ATP11A: variants seen among roughly 807,000 people sequenced by gnomAD.
ATP11A encodes ATPase phospholipid transporting 11A.
Under a neutral mutation model 154.4 loss-of-function variants are expected in ATP11A, and 81 were observed. That is an observed-to-expected ratio of 0.52 (90% confidence interval 0.44 to 0.63). ATP11A has a LOEUF of 0.63. Among genes scored for constraint, ATP11A ranks in the 30% least tolerant of loss-of-function variants. The pLI, the probability that ATP11A is intolerant of heterozygous loss-of-function variation, is 0.00. For synonymous variants in ATP11A, 623 were observed against 585.9 expected, an observed-to-expected ratio of 1.06 and a Z score of -0.91; for missense variants, 1,316 against 1,474.3, an observed-to-expected ratio of 0.89 and a Z score of 1.76.
chr13:112,796,440 G>A (rs1224490788), intron 2 of ATP11A, among the ~76,000 whole-genome samples: 1 of 152,186 alleles, frequency 6.6e-6, no homozygotes, highest in Non-Finnish European at 1.5e-5. Context: ...AGTGGAAGAG[G>A]GAGGCAGAAC....
intron 1 of ATP11A, among the ~76,000 whole-genome samples, chr13:112,712,170 C>T (rs1887834139): frequency 2.0e-5 from 3 of 152,324 alleles, no homozygotes; most frequent in South Asian, 4.1e-4. Flanking sequence ...CGCTATGCTG[C>T]TTGAAAATAG....
At chr13:112,766,467 C>T (rs1047476332) in intron 1 of ATP11A, among the ~76,000 whole-genome samples, 1 of 152,186 alleles carries the variant, frequency 6.6e-6, no homozygotes, top group African/African-American at 2.4e-5. Flanking sequence ...CTCTCTTTCC[C>T]AGACTGTCCT....
At chr13:112,808,735 G>A (rs551946687) in intron 4 of ATP11A, among the ~76,000 whole-genome samples, 91 of 152,256 alleles carry the variant, frequency 6.0e-4, no homozygotes, top group African/African-American at 2.0e-3. Flanking sequence ...GCTGGGCACT[G>A]ACGGGCATCT....
intron 17 of ATP11A, among the ~76,000 whole-genome samples, chr13:112,847,371 T>C (rs1421816929): frequency 6.6e-6 from 1 of 152,242 alleles, no homozygotes; most frequent in Non-Finnish European, 1.5e-5. Context: ...TGTGTTTTTT[T>C]CTATAAGTTT....
chr13:112,777,189 C>A (rs999704542), intron 1 of ATP11A, among the ~76,000 whole-genome samples: 8 of 151,958 alleles, frequency 5.3e-5, no homozygotes, highest in African/African-American at 1.9e-4. Context: ...TGTCAGAAAG[C>A]CACACTGCCA....
Position 112,697,681 on chromosome 13 carries a change from C to T in ATP11A, c.39+7226C>T, listed in dbSNP as rs560449361. Among the ~76,000 whole-genome samples the T allele has an allele frequency of 1.8e-4, 28 of 151,586 alleles. No homozygotes were observed. Among genetic ancestry groups the T allele is most frequent in the Admixed American group, 4.6e-4 (7 of 15,248 alleles). ...CTCCTAGGTGCAAGCAGTTCTCTTG[C>T]CTCAGACTCCTGAGTAGCTGGGATT... On this transcript the variant is annotated intron_variant, in intron 1 of 29. Coordinates refer to ENST00000375645, the MANE Select transcript of ATP11A (RefSeq NM_015205.3). The surrounding 1 kb of genome is among the most constrained non-coding windows in gnomAD (Gnocchi z 4.0).
intron 1 of ATP11A, among the ~76,000 whole-genome samples, chr13:112,737,293 G>C (rs1891090797): frequency 6.6e-6 from 1 of 152,214 alleles, no homozygotes; most frequent in Non-Finnish European, 1.5e-5. Flanking sequence ...TGCTGGTGAT[G>C]CTGTGTTTCT....
At chr13:112,734,280 G>A (rs180905718) in intron 1 of ATP11A, among the ~76,000 whole-genome samples, 1 of 152,158 alleles carries the variant, frequency 6.6e-6, no homozygotes, top group East Asian at 1.9e-4. Context: ...TGCAGGGGGC[G>A]GGGGTGAGGG....
intron 1 of ATP11A, among the ~76,000 whole-genome samples, chr13:112,749,697 G>A (rs948436482): frequency 2.0e-5 from 3 of 150,940 alleles, no homozygotes; most frequent in Non-Finnish European, 4.4e-5. Context: ...GTCTGCTGAA[G>A]GATGCGGGGT....
At position 112,847,705 on chromosome 13, in the gene ATP11A, GTTC is replaced by G. The variant is rs564165134; in HGVS notation, c.1810-3327_1810-3325del. 1.2e-4 allele frequency among the ~76,000 whole-genome samples: 18 copies of G among 152,294 alleles called. No individual in the cohort carries two copies. The East Asian group carries it at 2.5e-3, about 21-fold the overall frequency. On this transcript the variant is annotated intron_variant, in intron 17 of 29. Coordinates refer to ENST00000375645, the MANE Select transcript of ATP11A (RefSeq NM_015205.3). ...CAGGATATGTGAGTCTTTCAACTTT[GTTC>G]TTCTGTTATAAAATGGTTTGGCTAT...
rs1442599608 is a variant in ATP11A, at chr13:112,690,988, T to C, written c.39+533T>C. Among the ~76,000 whole-genome samples the C allele has an allele frequency of 2.0e-5, 3 of 152,256 alleles. No homozygotes were observed. Among genetic ancestry groups the C allele is most frequent in the Middle Eastern group, 3.2e-3 (1 of 316 alleles). The stretch of plus-strand genomic sequence containing the variant: ...ATTCAGAAGCGGAGTTTGGAATCTT[T>C]TTATTTTTTACCTTAAAGTAACCAA... On this transcript the variant is annotated intron_variant, in intron 1 of 29. Coordinates refer to ENST00000375645, the MANE Select transcript of ATP11A (RefSeq NM_015205.3). The surrounding 1 kb of genome is among the most constrained non-coding windows in gnomAD (Gnocchi z 5.6).
At chr13:112,780,953 C>G (rs1250888639) in intron 1 of ATP11A, among the ~76,000 whole-genome samples, 2 of 152,106 alleles carry the variant, frequency 1.3e-5, no homozygotes, top group African/African-American at 4.8e-5. Context: ...TCTCCATCCT[C>G]CTGCCCTGGA....
At chr13:112,831,757 C>G (rs770686436) in intron 13 of ATP11A, among the ~76,000 whole-genome samples, 7 of 152,222 alleles carry the variant, frequency 4.6e-5, no homozygotes, top group Non-Finnish European at 7.3e-5. Context: ...GTTATGAAAA[C>G]CATAGAAGCA....
chr13:112,710,436 G>A lies in ATP11A; in HGVS notation c.39+19981G>A, dbSNP rs542387670. ...CAGGGCCGCTCCCCAGAAAACAAGC[G>A]CCCCAGGTTTTCCCTTCTCCTGTAC... On this transcript the variant is annotated intron_variant, in intron 1 of 29. Transcript: ENST00000375645. 2.7e-4 allele frequency among the ~76,000 whole-genome samples: 41 copies of A among 152,196 alleles called. No homozygotes were observed. The South Asian group carries it at 7.7e-3, about 28-fold the overall frequency.
chr13:112,777,880 G>A (rs4630438), intron 1 of ATP11A, among the ~76,000 whole-genome samples: 14,335 of 152,188 alleles, frequency 0.094, 1,008 homozygotes, highest in African/African-American at 0.19. Flanking sequence ...GCCGCTCACC[G>A]TGCCTTTCTC....
At chr13:112,829,058 T>C (rs1337518322) in intron 12 of ATP11A, among the ~76,000 whole-genome samples, 1 of 152,246 alleles carries the variant, frequency 6.6e-6, no homozygotes, top group African/African-American at 2.4e-5. Context: ...TCAGTGCTAT[T>C]GCGCCGTTTC....
chr13:112,760,167 G>A (rs1044133495), intron 1 of ATP11A, among the ~76,000 whole-genome samples: 3 of 152,216 alleles, frequency 2.0e-5, no homozygotes, highest in Non-Finnish European at 2.9e-5. Flanking sequence ...TCAGTCTTCC[G>A]TGTAAGCAAT....
intron 29 of ATP11A, among the ~76,000 whole-genome samples, chr13:112,879,734 C>A (rs1397934324): frequency 6.6e-6 from 1 of 152,250 alleles, no homozygotes; most frequent in Non-Finnish European, 1.5e-5. Flanking sequence ...GGCGCCGAGA[C>A]CACCTGCGTT....
At chr13:112,733,622 A>G (rs1890708266) in intron 1 of ATP11A, among the ~76,000 whole-genome samples, 1 of 152,248 alleles carries the variant, frequency 6.6e-6, no homozygotes, top group South Asian at 2.1e-4. Context: ...GTAGGCCCAC[A>G]TTATCACATT....
Sources: gnomAD v4.1 joint callset for allele counts (sites outside exome capture counted in the v4.1 genomes callset) on GRCh38, gnomAD v4.1.1 for gene constraint, Gnocchi (gnomAD v3.1) non-coding constraint, MANE v1.5 for transcripts, NCBI Gene and HGNC (gene_info 2026-07-23, HGNC 2026-07-21) for gene names.